Variants in SEL1L2 observed in about 807,000 individuals in gnomAD.
SEL1L2 encodes SEL1L2 adaptor subunit of SYVN1 ubiquitin ligase, also known as protein sel-1 homolog 2.
SEL1L2 carries 89 observed loss-of-function variants against 98.8 expected under a neutral mutation model. The ratio of observed to expected loss-of-function variants is 0.90; its 90% CI spans 0.76 to 1.07. SEL1L2 has a LOEUF of 1.07. Ranked by LOEUF, SEL1L2 falls within the 50% of genes least tolerant of loss-of-function variation. SEL1L2 has a pLI of 0.00. For synonymous variants in SEL1L2, 262 were observed against 278.5 expected (o/e 0.94, Z 0.59); for missense variants, 788 against 812.0 (o/e 0.97, Z 0.36).
At chr20:13,937,565 G>T (rs567330103) in intron 2 of SEL1L2, among the ~76,000 whole-genome samples, 1 of 152,274 alleles carries the variant, frequency 6.6e-6, no homozygotes, top group African/African-American at 2.4e-5. Context: ...CCTTCAATGT[G>T]TCCATGTGCC....
At chr20:13,973,977 G>T (rs1315730382) in intron 1 of SEL1L2, among the ~76,000 whole-genome samples, 1 of 152,110 alleles carries the variant, frequency 6.6e-6, no homozygotes, top group Non-Finnish European at 1.5e-5. Flanking sequence ...CTTGGGAAGG[G>T]GTAGTGTGCC....
chr20:13,853,565 A>G (rs1217502480), intron 18 of SEL1L2, among the ~76,000 whole-genome samples: 1 of 152,190 alleles, frequency 6.6e-6, no homozygotes, highest in South Asian at 2.1e-4. Flanking sequence ...AATGGTTAAT[A>G]TGTATTAAAT....
At chr20:13,931,564 G>A in intron 3 of SEL1L2, 39 bp downstream of exon 3, 1 of 1,176,558 alleles carries the variant, frequency 8.5e-7, no homozygotes, top group Non-Finnish European at 1.1e-6. Flanking sequence ...ATTGCATGTA[G>A]TCATTTTAAA....
chr20:13,869,491 T>A lies in SEL1L2; in HGVS notation c.1255+12A>T, dbSNP rs2147849707. 2 of 1,595,688 alleles carry A rather than the reference T, an allele frequency of 1.3e-6. No homozygotes were observed. The highest frequency in any genetic ancestry group is 4.5e-5 in the East Asian group (2 of 44,780). Reference sequence around the variant, plus strand: ...TCATTCTAAATAAAGCAGCTGTATTTGTGGCACTTACAGTAGTACATGAAG... The same window carrying A: ...TCATTCTAAATAAAGCAGCTGTATTAGTGGCACTTACAGTAGTACATGAAG... On this transcript the variant is annotated intron_variant, in intron 14 of 19. Transcript: ENST00000284951.
At chr20:13,947,992 A>G (rs781563223) in intron 2 of SEL1L2, among the ~76,000 whole-genome samples, 13 of 152,218 alleles carry the variant, frequency 8.5e-5, no homozygotes, top group Non-Finnish European at 1.6e-4. Context: ...CCAGGCTGGT[A>G]GCATGAGCCA....
At chr20:13,897,764 C>T (rs1449382389) in intron 5 of SEL1L2, among the ~76,000 whole-genome samples, 2 of 152,236 alleles carry the variant, frequency 1.3e-5, no homozygotes, top group African/African-American at 4.8e-5. Context: ...ACTAGGGAGA[C>T]TGAGGCAGGA....
intron 4 of SEL1L2, 62 bp from the exon 5 acceptor site, chr20:13,914,006 A>G: frequency 7.1e-7 from 1 of 1,407,716 alleles, no homozygotes; most frequent in Non-Finnish European, 9.6e-7. Flanking sequence ...CTCCTTCTTC[A>G]ACACTATTCA....
At chr20:13,992,690 A>G (rs2052567826), upstream of SEL1L2, among the ~76,000 whole-genome samples, 1 of 152,122 alleles carries the variant, frequency 6.6e-6, no homozygotes, top group Admixed American at 6.6e-5. Flanking sequence ...GTATGCAACA[A>G]AATAATATAG....
chr20:13,870,880 G>A (rs533341587), intron 12 of SEL1L2, among the ~76,000 whole-genome samples: 2 of 134,016 alleles, frequency 1.5e-5, no homozygotes, highest in African/African-American at 5.7e-5. Context: ...CCGAGATTGC[G>A]CCACTTCACT....
At chr20:13,915,992 T>C (rs1252200969) in intron 4 of SEL1L2, among the ~76,000 whole-genome samples, 2 of 152,088 alleles carry the variant, frequency 1.3e-5, no homozygotes, top group East Asian at 3.9e-4. Flanking sequence ...GAAACTTCTT[T>C]GCTGATGGGG....
intron 5 of SEL1L2, among the ~76,000 whole-genome samples, chr20:13,889,678 C>T (rs988447364): frequency 5.3e-5 from 8 of 152,030 alleles, no homozygotes; most frequent in Non-Finnish European, 7.4e-5. Flanking sequence ...GTAGTCCCAG[C>T]TGCTCGGGAG....
At chr20:13,956,052 G>T in intron 2 of SEL1L2, 24 bp downstream of exon 2, 5 of 1,389,380 alleles carry the variant, frequency 3.6e-6, no homozygotes, top group Non-Finnish European at 5.0e-6. Context: ...ATTAAAAAAT[G>T]TAAAGATTTA....
chr20:13,887,839 A>C lies in SEL1L2; in HGVS notation c.675T>G (p.Tyr225Ter). ...TCTGTAGAACATTGATTCCCGACAA[A>C]TATCTGTACCCCTAAAACACAGACA... is the stretch of plus-strand genomic sequence containing the variant. ...MMSQMILGYRYLSGINVLQNC... is the reference protein window; with the variant it reads ...MMSQMILGYR Residue 225 changes from tyrosine (Y) to a stop codon, truncating the protein, a stop_gained, in exon 8 of 20, where the codon TAT becomes TAG. Transcript: ENST00000284951. LOFTEE classifies it high-confidence loss of function. 1 of 1,613,294 alleles carries C rather than the reference A, an allele frequency of 6.2e-7. No homozygotes were observed. The highest frequency in any genetic ancestry group is 8.5e-7 in the Non-Finnish European group (1 of 1,179,448).
chr20:13,916,307 A>C (rs988651671), intron 4 of SEL1L2, among the ~76,000 whole-genome samples: 2 of 152,070 alleles, frequency 1.3e-5, no homozygotes, highest in African/African-American at 4.8e-5. Context: ...GCGGGAATGA[A>C]ATTATTCTCC....
At chr20:13,955,294 G>T (rs1163192213) in intron 2 of SEL1L2, among the ~76,000 whole-genome samples, 1 of 152,194 alleles carries the variant, frequency 6.6e-6, no homozygotes, top group Non-Finnish European at 1.5e-5. Context: ...GACAGGATTT[G>T]CAATTTTAGA....
intron 5 of SEL1L2, among the ~76,000 whole-genome samples, chr20:13,906,425 G>A (rs975090483): frequency 1.3e-5 from 2 of 152,018 alleles, no homozygotes; most frequent in Admixed American, 6.6e-5. Context: ...CATGAAGCTC[G>A]AAAGCACCTG....
rs1472425045 is a variant in SEL1L2 at position 13,865,520 on chromosome 20, C to T, written c.1405-6G>A. The T allele has an allele frequency of 6.2e-7, 1 of 1,608,514 alleles. No individual in the cohort carries two copies. Among genetic ancestry groups the T allele is most frequent in the Non-Finnish European group, 8.5e-7 (1 of 1,177,762 alleles). On this transcript the variant is annotated splice_region_variant and splice_polypyrimidine_tract_variant and intron_variant, in intron 15 of 19. Transcript: ENST00000284951. The stretch of plus-strand genomic sequence containing the variant: ...TCACAGACACCTTTATAAAGCTGTA[C>T]ATGAGAGGAGAAATCAAGGAGACTA...
chr20:13,916,643 T>C (rs1021364628), intron 4 of SEL1L2, among the ~76,000 whole-genome samples: 7 of 152,088 alleles, frequency 4.6e-5, no homozygotes, highest in Non-Finnish European at 8.8e-5. Flanking sequence ...CTGTCTCTAC[T>C]AAAAATACAA....
chr20:13,916,688 C>T (rs916733959), intron 4 of SEL1L2, among the ~76,000 whole-genome samples: 2 of 152,140 alleles, frequency 1.3e-5, no homozygotes, highest in Non-Finnish European at 2.9e-5. Flanking sequence ...CACCTGTCAT[C>T]TCAGCTACTT....
Sources: allele counts gnomAD v4.1 joint callset (sites outside exome capture counted in the v4.1 genomes callset), GRCh38; gene constraint gnomAD v4.1.1; transcripts MANE v1.5; gene names NCBI Gene and HGNC (gene_info 2026-07-23, HGNC 2026-07-21).